Variants in CCDC88B observed in about 807,000 individuals in gnomAD.
CCDC88B encodes coiled-coil and HOOK domain protein 88B, also known as coiled-coil domain-containing protein 88B.
A neutral mutation model predicts 183.7 loss-of-function variants in CCDC88B; 138 were observed. That is an observed-to-expected ratio of 0.75 (90% CI 0.65 to 0.87). The LOEUF is 0.87. CCDC88B is among the 40% of genes least tolerant of loss of function. CCDC88B has a pLI of 0.00. For missense variants in CCDC88B, 1,822 were observed against 1,965.6 expected, an observed-to-expected ratio of 0.93 and a Z score of 1.38; for synonymous variants, 835 against 867.5, an observed-to-expected ratio of 0.96 and a Z score of 0.66.
chr11:64,341,145 G>A lies in CCDC88B; in HGVS notation c.355G>A (p.Asp119Asn), dbSNP rs1196685011. ...LQLLILSPPP[D>N]LQTLGFDPLS... ...GCTGCTGATCCTGTCGCCACCCCCA[G>A]ACCTCCAGACATTGGGATTTGACCC... Residue 119 changes from aspartate to asparagine, a missense_variant, in exon 4 of 27, where the codon GAC (aspartate) becomes AAC (asparagine). By Grantham distance (23) the Asp-to-Asn change is conservative. Transcript: ENST00000356786. 6.2e-7 allele frequency: 1 copy of A among 1,614,022 alleles called. No homozygotes were observed. The highest frequency in any genetic ancestry group is 8.5e-7 in the Non-Finnish European group (1 of 1,180,018).
At position 64,353,488 on chromosome 11, in the gene CCDC88B, G is replaced by C; in HGVS notation, c.3825G>C (p.Arg1275=). ...GGGACCACCTGCACCGCGAACAGCG[G>C]GAGTACCTGTGAGTGGGCCGCCTGG... ...ESRDHLHREQ[R]EYLDQLNALR... The change falls in exon 22 of 27, where the codon CGG becomes CGC. Residue 1275 remains arginine (R), a synonymous_variant. Coordinates refer to ENST00000356786, the MANE Select transcript of CCDC88B (RefSeq NM_032251.6). The C allele has an allele frequency of 6.2e-7, 1 of 1,611,508 alleles. No individual in the cohort carries two copies. Among genetic ancestry groups the C allele is most frequent in the South Asian group, 1.1e-5 (1 of 91,012 alleles).
At chr11:64,354,656 C>T (rs1422127832) in intron 24 of CCDC88B, among the ~76,000 whole-genome samples, 15 of 147,478 alleles carry the variant, frequency 1.0e-4, no homozygotes, top group Non-Finnish European at 2.1e-4. Context: ...CATCCAGGGC[C>T]CTGTTCCTCT....
At chr11:64,345,418 C>T (rs1451606859) in intron 14 of CCDC88B, among the ~76,000 whole-genome samples, 2 of 152,172 alleles carry the variant, frequency 1.3e-5, no homozygotes, top group Non-Finnish European at 2.9e-5. Flanking sequence ...GCAGTAGACT[C>T]ACCTCCACCC....
intron 8 of CCDC88B, 35 bp from the exon 9 acceptor site, chr11:64,342,259 C>A: frequency 6.4e-7 from 1 of 1,571,862 alleles, no homozygotes; most frequent in Non-Finnish European, 8.6e-7. Flanking sequence ...GGGTTGTGGG[C>A]CCCCAGACCC....
rs1315883752 is a variant in CCDC88B, at chr11:64,355,179, A to G, written c.4100-15A>G. ...TCCCCTCCTCTCACCCCCTCCCTGC[A>G]TGTACCTCTTGCAGGGTCCCCTTCC... On this transcript the variant is annotated splice_polypyrimidine_tract_variant and intron_variant, in intron 24 of 26. Coordinates refer to ENST00000356786, the MANE Select transcript of CCDC88B (RefSeq NM_032251.6). 7.0e-7 allele frequency: 1 copy of G among 1,429,456 alleles called. No individual in the cohort carries two copies. 88.5% of individuals were successfully genotyped at this position (1,429,456 alleles called of 1,614,324 possible). A position where few individuals can be genotyped will look rare whatever the true frequency, so the allele number is the denominator to read the frequency against.
intron 19 of CCDC88B, 139 bp downstream of exon 19, chr11:64,352,525 G>T: frequency 1.5e-6 from 2 of 1,369,026 alleles, no homozygotes; most frequent in Non-Finnish European, 1.9e-6. Flanking sequence ...TGTGCCCTCT[G>T]GGGTAGCTGT....
At position 64,357,092 on chromosome 11, in the gene CCDC88B, T is replaced by C; in HGVS notation, c.4429T>C (p.Ter1477ArgextTer97). ...KRPLTPSLSQ[*>R] Reference sequence around the variant, plus strand: ...TCCCCTCACCCCATCCCTCAGCCAGTGACACCGTGGGAACAGCAGGCTTGG... The same window carrying C: ...TCCCCTCACCCCATCCCTCAGCCAGCGACACCGTGGGAACAGCAGGCTTGG... The change falls in exon 27 of 27, where the codon TGA becomes CGA. Residue 1477 changes from the stop codon to arginine, a stop_lost. Transcript: ENST00000356786. 1 of 1,612,852 alleles carries C rather than the reference T, an allele frequency of 6.2e-7. No individual in the cohort carries two copies. Among genetic ancestry groups the C allele is most frequent in the Non-Finnish European group, 8.5e-7 (1 of 1,179,290 alleles).
intron 24 of CCDC88B, 93 bp downstream of exon 24, chr11:64,354,263 TG>T: frequency 8.8e-7 from 1 of 1,131,342 alleles, no homozygotes; most frequent in Non-Finnish European, 1.1e-6. Context: ...CCTGCATGCG[TG>T]ACCCCATTGG....
rs369212327 is a variant in CCDC88B, at chr11:64,351,587, C to A, written c.3070C>A (p.Arg1024=). Reference sequence around the variant, plus strand: ...CCAGGAGCTGCTGCTGCAGAGCCAGCGGGCGCAGGAGCACAGCAGCCGCCT... The same window carrying A: ...CCAGGAGCTGCTGCTGCAGAGCCAGAGGGCGCAGGAGCACAGCAGCCGCCT... ...RAQELLLQSQ[R]AQEHSSRLQA... is the part of the protein sequence containing the mutation. Residue 1024 remains arginine (R), a synonymous_variant, in exon 18 of 27, where the codon CGG becomes AGG. Coordinates refer to ENST00000356786, the MANE Select transcript of CCDC88B (RefSeq NM_032251.6). 2.6e-6 allele frequency: 4 copies of A among 1,563,460 alleles called. No homozygotes were observed. In the African/African-American group the frequency reaches 4.1e-5, roughly 16 times the overall value.
Position 64,351,621 on chromosome 11 carries a change from G to C in CCDC88B, c.3099+5G>C. 6.4e-7 allele frequency: 1 copy of C among 1,558,264 alleles called. No individual in the cohort carries two copies. Among genetic ancestry groups the C allele is most frequent in the Non-Finnish European group, 8.6e-7 (1 of 1,159,808 alleles). ...GAGCACAGCAGCCGCCTGCAGGTGG[G>C]TGGTGGCCCGGGTGCCCATCCCTGC... On this transcript the variant is annotated splice_donor_5th_base_variant and intron_variant, in intron 18 of 26. Transcript: ENST00000356786.
chr11:64,351,576 T>C lies in CCDC88B; in HGVS notation c.3059T>C (p.Leu1020Pro). The stretch of plus-strand genomic sequence containing the variant: ...CAGGGCCGTGCCCAGGAGCTGCTGC[T>C]GCAGAGCCAGCGGGCGCAGGAGCAC... ...SLQGRAQELL[L>P]QSQRAQEHSS... Residue 1020 changes from leucine to proline, a missense_variant, in exon 18 of 27, where the codon CTG (leucine) becomes CCG (proline). Leu to Pro is a moderately conservative substitution (Grantham distance 98). Coordinates refer to ENST00000356786, the MANE Select transcript of CCDC88B (RefSeq NM_032251.6). 6.4e-7 allele frequency: 1 copy of C among 1,565,202 alleles called. No homozygotes were observed. The highest frequency in any genetic ancestry group is 8.6e-7 in the Non-Finnish European group (1 of 1,163,876).
intron 26 of CCDC88B, 23 bp downstream of exon 26, chr11:64,355,651 AGTAGTATTCTTT>A: frequency 6.3e-7 from 1 of 1,585,610 alleles, no homozygotes; most frequent in Non-Finnish European, 8.6e-7. Context: ...CTGTGGAAGG[AGTAGTATTCTTT>A]GTCCTGCCTG....
At position 64,349,642 on chromosome 11, in the gene CCDC88B, C is replaced by T. The variant is rs1365132537; in HGVS notation, c.2836C>T (p.Leu946=). Residue 946 remains leucine, a synonymous_variant, in exon 16 of 27, where the codon CTG becomes TTG. Transcript: ENST00000356786. ...GCTGATGGAGCTCAAGACCAGGGCC[C>T]TGCAGCTGGAAGAGGAGCTGTTCCA... ...EALMELKTRA[L]QLEEELFQLR... 1.9e-6 allele frequency: 3 copies of T among 1,597,280 alleles called. No homozygotes were observed. The highest frequency in any genetic ancestry group is 1.8e-4 in the Middle Eastern group (1 of 5,708).
Position 64,343,833 on chromosome 11 carries a change from T to G in CCDC88B, c.1374T>G (p.Ala458=), listed in dbSNP as rs1354847427. Residue 458 remains alanine (A), a synonymous_variant, in exon 13 of 27, where the codon GCT becomes GCG. Coordinates refer to ENST00000356786, the MANE Select transcript of CCDC88B (RefSeq NM_032251.6). ...AAGATGAGGTGAGGGAGGCAGAGGC[T>G]GGGCGGCTTCGGACCCTTGAGAGGG... ...SLQDEVREAE[A]GRLRTLEREN... is the part of the protein sequence containing the mutation. 5 of 1,597,434 alleles carry G rather than the reference T, an allele frequency of 3.1e-6. No homozygotes were observed. In the East Asian group the frequency reaches 1.1e-4, roughly 36 times the overall value.
intron 10 of CCDC88B, 114 bp downstream of exon 10, chr11:64,342,794 A>C: frequency 8.6e-7 from 1 of 1,164,630 alleles, no homozygotes; most frequent in African/African-American, 1.7e-5. Context: ...GGACAGTCAC[A>C]GGTGGAGAAA....
Position 64,345,058 on chromosome 11 carries a change from G to A in CCDC88B, c.2517G>A (p.Ser839=), listed in dbSNP as rs758204892. ...AGGGGTCCAGGCTGCGGGCCCAGTC[G>A]GAGGCCGCCGAGGAACGGATGCAGG... ...EREGSRLRAQ[S]EAAEERMQVL... is the part of the protein sequence containing the mutation. Residue 839 remains serine, a synonymous_variant, in exon 14 of 27, where the codon TCG becomes TCA. Coordinates refer to ENST00000356786, the MANE Select transcript of CCDC88B (RefSeq NM_032251.6). 56 of 1,549,576 alleles carry A rather than the reference G, an allele frequency of 3.6e-5. No homozygotes were observed. The highest frequency in any genetic ancestry group is 4.9e-5 in the Non-Finnish European group (56 of 1,149,764).
In CCDC88B at chr11:64,341,850, G is replaced by T. The variant is rs558172037; in HGVS notation, c.675+108G>T. 386 of 747,038 alleles carry T rather than the reference G, an allele frequency of 5.2e-4. No individual in the cohort carries two copies. In the African/African-American group the frequency reaches 5.9e-3, roughly 11 times the overall value. The allele number at this position is 747,038 out of a possible 1,614,324, so 46.3% of individuals were successfully genotyped here. ...TTTGGGGCCCAGGCATGGGGTTGTG[G>T]TCTGAGGTCTTGGGCCATCAGTGAT... is the stretch of plus-strand genomic sequence containing the variant. On this transcript the variant is annotated intron_variant, in intron 7 of 26. Coordinates refer to ENST00000356786, the MANE Select transcript of CCDC88B (RefSeq NM_032251.6).
intron 2 of CCDC88B, 77 bp from the exon 3 acceptor site, chr11:64,340,830 A>G (rs1215746378): frequency 6.5e-6 from 10 of 1,544,104 alleles, no homozygotes; most frequent in South Asian, 6.2e-5. Flanking sequence ...CCTGATGCTC[A>G]GTGGGCGGGG....
chr11:64,352,446 C>T (rs1460596069), intron 19 of CCDC88B, 60 bp downstream of exon 19: 1 of 1,478,700 alleles, frequency 6.8e-7, no homozygotes, highest in Non-Finnish European at 9.0e-7. Flanking sequence ...AGAGAAGACT[C>T]CCCTCAGCAG....
Sources: gnomAD v4.1 joint callset for allele counts (sites outside exome capture counted in the v4.1 genomes callset) on GRCh38, gnomAD v4.1.1 for gene constraint, MANE v1.5 for transcripts, NCBI Gene and HGNC (gene_info 2026-07-23, HGNC 2026-07-21) for gene names.